The following TMEM245 variants were observed in gnomAD, a reference collection of about 807,000 sequenced individuals.
The protein encoded by TMEM245 is protein CG-2.
Under a neutral mutation model 101.2 loss-of-function variants are expected in TMEM245, and 69 were observed. The observed-to-expected ratio is 0.68, with a 90% CI of 0.56 to 0.83. TMEM245 has a LOEUF of 0.83. Ranked by LOEUF, TMEM245 falls within the 40% of genes least tolerant of loss-of-function variation. The pLI, the probability that TMEM245 is intolerant of heterozygous loss-of-function variation, is 0.00. For synonymous variants in TMEM245, 537 were observed against 449.8 expected, an observed-to-expected ratio of 1.19 and a Z score of -2.45; for missense variants, 1,075 against 1,092.8, an observed-to-expected ratio of 0.98 and a Z score of 0.23.
At chr9:109,063,215 G>C (rs1307231257) in intron 10 of TMEM245, among the ~76,000 whole-genome samples, 1 of 148,596 alleles carries the variant, frequency 6.7e-6, no homozygotes, top group African/African-American at 2.5e-5. Context: ...TGCCTCCCGA[G>C]TTCAAGTGAT....
intron 9 of TMEM245, among the ~76,000 whole-genome samples, chr9:109,070,045 A>G (rs1286095672): frequency 1.3e-5 from 2 of 151,984 alleles, no homozygotes; most frequent in Non-Finnish European, 2.9e-5. Context: ...GCCCATTCTC[A>G]TTTTCCTTTG....
intron 17 of TMEM245, among the ~76,000 whole-genome samples, chr9:109,026,996 G>A (rs906039838): frequency 1.3e-5 from 2 of 152,126 alleles, no homozygotes; most frequent in East Asian, 3.9e-4. Flanking sequence ...AGAGCCATGA[G>A]CCAAAATAAA....
Position 109,090,964 on chromosome 9 carries a change from A to G in TMEM245, c.1108T>C (p.Leu370=), listed in dbSNP as rs1301764823. The change falls in exon 5 of 18, where the codon TTG becomes CTG. Residue 370 remains leucine, a synonymous_variant. Coordinates refer to ENST00000374586, the MANE Select transcript of TMEM245 (RefSeq NM_032012.4). ...VWAIVVMQIW[L]NLWIVQLLPV... is the part of the protein sequence containing the mutation. ...AGCAACTGCACAATCCACAGGTTCA[A>G]CCAGATCTGCATGACGACAATGGCC... is the stretch of plus-strand genomic sequence containing the variant. 3.1e-6 allele frequency: 5 copies of G among 1,614,216 alleles called. No homozygotes were observed. In the Admixed American group the frequency reaches 8.3e-5, roughly 27 times the overall value.
chr9:109,033,918 C>G (rs552074232), intron 16 of TMEM245, among the ~76,000 whole-genome samples: 1 of 152,190 alleles, frequency 6.6e-6, no homozygotes, highest in Admixed American at 6.5e-5. Flanking sequence ...TTTTATATGA[C>G]GACAGCAACA....
At chr9:109,038,158 T>C in intron 14 of TMEM245, 41 bp from the exon 15 acceptor site, 1 of 1,481,914 alleles carries the variant, frequency 6.7e-7, no homozygotes, top group South Asian at 1.2e-5. Flanking sequence ...AAATAAACAG[T>C]GTCATATCGT....
chr9:109,028,558 T>TC (rs2132292556), intron 17 of TMEM245, among the ~76,000 whole-genome samples: 1 of 152,184 alleles, frequency 6.6e-6, no homozygotes, highest in African/African-American at 2.4e-5. Flanking sequence ...ATTTGGGATT[T>TC]GGGATGCTCA....
intron 7 of TMEM245, 21 bp from the exon 8 acceptor site, chr9:109,080,964 G>T: frequency 7.0e-7 from 1 of 1,419,636 alleles, no homozygotes; most frequent in South Asian, 1.2e-5. Context: ...ACGAAAAAGA[G>T]AATTACTTAT....
At chr9:109,083,397 G>C (rs771079406) in intron 7 of TMEM245, among the ~76,000 whole-genome samples, 7 of 152,150 alleles carry the variant, frequency 4.6e-5, no homozygotes, top group African/African-American at 1.7e-4. Context: ...ACCTGCCCTC[G>C]CATGGAAATT....
intron 1 of TMEM245, among the ~76,000 whole-genome samples, chr9:109,111,269 T>TAC (rs1050732906): frequency 2.6e-5 from 4 of 152,290 alleles, no homozygotes; most frequent in African/African-American, 9.6e-5. Flanking sequence ...TATAGCTATC[T>TAC]ACAAATGGAA....
intron 15 of TMEM245, among the ~76,000 whole-genome samples, chr9:109,037,615 G>A (rs1828170829): frequency 2.6e-5 from 4 of 152,252 alleles, no homozygotes; most frequent in African/African-American, 9.6e-5. Flanking sequence ...AGCCATGTAA[G>A]ACATGCCTGC....
At chr9:109,089,161 T>A (rs916322436) in intron 5 of TMEM245, among the ~76,000 whole-genome samples, 11 of 151,602 alleles carry the variant, frequency 7.3e-5, no homozygotes, top group Non-Finnish European at 1.6e-4. Flanking sequence ...TCTGAGGGGC[T>A]GAGGCAGGAG....
chr9:109,084,921 T>C (rs1348593834), intron 7 of TMEM245, among the ~76,000 whole-genome samples: 1 of 152,168 alleles, frequency 6.6e-6, no homozygotes, highest in Non-Finnish European at 1.5e-5. Context: ...CTCCTCTATT[T>C]CAACAGAAAA....
chr9:109,020,386 C>A lies in TMEM245; in HGVS notation c.*74G>T, dbSNP rs751840161. On this transcript the variant is annotated 3_prime_UTR_variant, in exon 18 of 18. Transcript: ENST00000374586. ...TGCTTGCTAGGCACAGCTGGAAGGGCAGAGGGCCACAGCTGAGCTGAACTC... is the reference window on the plus strand; with the variant it reads ...TGCTTGCTAGGCACAGCTGGAAGGGAAGAGGGCCACAGCTGAGCTGAACTC... The A allele has an allele frequency of 4.1e-6, 6 of 1,448,790 alleles. No homozygotes were observed. In the African/African-American group the frequency reaches 8.4e-5, roughly 20 times the overall value. 89.7% of individuals were successfully genotyped at this position (1,448,790 alleles called of 1,614,324 possible).
chr9:109,022,507 C>CTA (rs1161860203), intron 17 of TMEM245, among the ~76,000 whole-genome samples: 2 of 149,742 alleles, frequency 1.3e-5, no homozygotes, highest in African/African-American at 5.0e-5. Context: ...ATCTATCTAT[C>CTA]TCAAATCAGT....
At chr9:109,089,248 T>TA (rs1345357883) in intron 5 of TMEM245, among the ~76,000 whole-genome samples, 1 of 147,988 alleles carries the variant, frequency 6.8e-6, no homozygotes, top group African/African-American at 2.5e-5. Flanking sequence ...AAAAAAAAAA[T>TA]ACAGATACAA....
chr9:109,024,359 G>A (rs1321655526), intron 17 of TMEM245, among the ~76,000 whole-genome samples: 2 of 152,188 alleles, frequency 1.3e-5, no homozygotes, highest in African/African-American at 2.4e-5. Flanking sequence ...CCTCAAGGTT[G>A]TATTCTGCTT....
chr9:109,050,217 A>G (rs1180752182), intron 14 of TMEM245, 66 bp downstream of exon 14: 1 of 1,586,968 alleles, frequency 6.3e-7, no homozygotes, highest in Admixed American at 1.8e-5. Flanking sequence ...GCTCATGACA[A>G]AAAACAGGCT....
Position 109,102,889 on chromosome 9 carries a change from C to T in TMEM245, c.799+3619G>A, listed in dbSNP as rs1195989512. Among the ~76,000 whole-genome samples the T allele has an allele frequency of 5.3e-5, 8 of 152,250 alleles. No homozygotes were observed. The South Asian group carries it at 1.7e-3, about 31-fold the overall frequency. ...AGAAGCTTTGTGTTCAGATTTACCT[C>T]TCCAGTCACAGCTGCTTCCACACGG... On this transcript the variant is annotated intron_variant, in intron 3 of 17. Coordinates refer to ENST00000374586, the MANE Select transcript of TMEM245 (RefSeq NM_032012.4).
At chr9:109,075,899 T>C (rs531504873) in intron 8 of TMEM245, among the ~76,000 whole-genome samples, 1 of 152,206 alleles carries the variant, frequency 6.6e-6, no homozygotes, top group Non-Finnish European at 1.5e-5. Context: ...TGGATTTAAT[T>C]TGCTATTATT....
Sources: allele counts gnomAD v4.1 joint callset (sites outside exome capture counted in the v4.1 genomes callset), GRCh38; gene constraint gnomAD v4.1.1; transcripts MANE v1.5; gene names NCBI Gene and HGNC (gene_info 2026-07-23, HGNC 2026-07-21).